DRC4: variants seen among roughly 807,000 people sequenced by gnomAD.
DRC4 encodes dynein regulatory complex subunit 4.
the DRC4 span, among the ~76,000 whole-genome samples, chr16:90,042,132 C>T: frequency 2.6e-5 from 4 of 152,048 alleles, no homozygotes. Flanking sequence ...GACGGGGTTT[C>T]GCCACGTTGG....
chr16:90,039,964 C>T, the DRC4 span: 2 of 364,554 alleles, frequency 5.5e-6, no homozygotes, highest in South Asian at 2.5e-5. Flanking sequence ...AGCCCACAGC[C>T]CTCACTCGGG....
At chr16:90,038,381 C>G in the DRC4 span, among the ~76,000 whole-genome samples, 3 of 152,214 alleles carry the variant, frequency 2.0e-5, no homozygotes, top group African/African-American at 7.2e-5. Context: ...CACAGTGTAT[C>G]AGGCTGCACA....
the DRC4 span, chr16:90,043,401 C>T: frequency 2.3e-5 from 34 of 1,479,382 alleles, no homozygotes; most frequent in East Asian, 6.0e-4. Flanking sequence ...CTCGGGATGA[C>T]ACCCCTTATC....
chr16:90,042,982 A>G, the DRC4 span: 1 of 554,830 alleles, frequency 1.8e-6, no homozygotes, highest in South Asian at 2.4e-5. Context: ...CATTTGTGGA[A>G]TAGGAATAGT....
At chr16:90,043,549 T>G in the DRC4 span, 1 of 603,088 alleles carries the variant, frequency 1.7e-6, no homozygotes, top group Non-Finnish European at 3.0e-6. Context: ...TGTCGCTCCC[T>G]TCCCTGGGTG....
At chr16:90,019,669 C>T in the DRC4 span, 5 of 521,848 alleles carry the variant, frequency 9.6e-6, no homozygotes, top group South Asian at 7.4e-5. The surrounding 1 kb of genome is among the most constrained non-coding windows in gnomAD (Gnocchi z 6.1). Context: ...CGGACACCAC[C>T]GGGACCTGGC....
chr16:90,035,570 C>T, the DRC4 span: 1 of 1,610,026 alleles, frequency 6.2e-7, no homozygotes. Context: ...CAGGGTCAGC[C>T]TGAAGGGAGC....
chr16:90,044,055 C>T, the DRC4 span: 1 of 442,148 alleles, frequency 2.3e-6, no homozygotes. Flanking sequence ...GGCCCCAACA[C>T]ACCTGAGAGA....
At chr16:90,020,023 C>A in the DRC4 span, 1 of 696,980 alleles carries the variant, frequency 1.4e-6, no homozygotes, top group African/African-American at 1.8e-5. Flanking sequence ...TGAAACTGAC[C>A]CCCATGTCCC....
the DRC4 span, chr16:90,020,167 C>T: frequency 1.9e-6 from 1 of 524,914 alleles, no homozygotes; most frequent in South Asian, 2.5e-5. Flanking sequence ...GTAAGTACTT[C>T]AATATTTATC....
At chr16:90,031,544 C>T in the DRC4 span, 1 of 1,515,850 alleles carries the variant, frequency 6.6e-7, no homozygotes. Flanking sequence ...CACAGAGCCC[C>T]AGAGGAGCTG....
At chr16:90,040,931 C>T in the DRC4 span, among the ~76,000 whole-genome samples, 1 of 152,094 alleles carries the variant, frequency 6.6e-6, no homozygotes, top group Non-Finnish European at 1.5e-5. Context: ...GCCTGGCTCT[C>T]AGGGCCTGAG....
chr16:90,041,884 G>A, the DRC4 span, among the ~76,000 whole-genome samples: 1 of 152,194 alleles, frequency 6.6e-6, no homozygotes. Context: ...TCTCCACAGT[G>A]TGGCTGCACG....
At chr16:90,044,076 C>A in the DRC4 span, 1 of 444,252 alleles carries the variant, frequency 2.3e-6, no homozygotes, top group Non-Finnish European at 4.5e-6. Context: ...ATTCAGCAGC[C>A]CAGACTGAGG....
chr16:90,034,406 G>A, the DRC4 span, among the ~76,000 whole-genome samples: 2,683 of 152,186 alleles, frequency 0.018, 93 homozygotes, highest in African/African-American at 0.062. Flanking sequence ...GGTGTATCAC[G>A]AGGTCAGGAG....
the DRC4 span, among the ~76,000 whole-genome samples, chr16:90,030,172 G>C: frequency 6.6e-6 from 1 of 151,852 alleles, no homozygotes; most frequent in Non-Finnish European, 1.5e-5. Flanking sequence ...AGAGTCTACT[G>C]GTTTTGTATA....
At chr16:90,019,635 T>TC in the DRC4 span, 2 of 417,608 alleles carry the variant, frequency 4.8e-6, no homozygotes, top group Non-Finnish European at 8.4e-6. This position sits in a 1 kb window ranked among gnomAD's most constrained non-coding sequence, Gnocchi z 6.1. Flanking sequence ...CGCCGACCCT[T>TC]CCCTCGCGGG....
the DRC4 span, among the ~76,000 whole-genome samples, chr16:90,041,585 C>G: frequency 1.3e-5 from 2 of 152,176 alleles, no homozygotes; most frequent in Non-Finnish European, 2.9e-5. Context: ...GTGGGCAGAT[C>G]ACGAGTTTGG....
the DRC4 span, chr16:90,032,937 G>A: frequency 2.3e-5 from 37 of 1,608,614 alleles, no homozygotes; most frequent in African/African-American, 4.5e-4. Context: ...AGGTGTGGCG[G>A]GGGCACCTGG....
Sources: allele counts gnomAD v4.1 joint callset (sites outside exome capture counted in the v4.1 genomes callset), GRCh38; gene constraint gnomAD v4.1.1; non-coding constraint Gnocchi (gnomAD v3.1); transcripts MANE v1.5; gene names NCBI Gene and HGNC (gene_info 2026-07-23, HGNC 2026-07-21).